CTNNA3: variants seen among roughly 807,000 people sequenced by gnomAD.
CTNNA3 encodes the protein catenin alpha-3.
CTNNA3 carries 76 observed loss-of-function variants against 95.7 expected under a neutral mutation model. That is an observed-to-expected ratio of 0.79 (90% CI 0.66 to 0.96). The LOEUF is 0.96. Ranked by LOEUF, CTNNA3 falls within the 40% of genes least tolerant of loss-of-function variation. The probability of loss-of-function intolerance (pLI) is 0.00; values close to 1 mark genes in which losing one functional copy is unlikely to be tolerated. For missense variants in CTNNA3, 1,191 were observed against 1,089.8 expected (o/e 1.09, Z -1.31); for synonymous variants, 431 against 374.4 (o/e 1.15, Z -1.74).
chr10:66,696,939 T>TAAATA (rs1200638181), intron 9 of CTNNA3, among the ~76,000 whole-genome samples: 9 of 151,768 alleles, frequency 5.9e-5, no homozygotes, highest in Admixed American at 1.3e-4. Flanking sequence ...AAGAAATACA[T>TAAATA]AAATAAAATA....
At chr10:65,981,350 G>A (rs760286820) in intron 16 of CTNNA3, among the ~76,000 whole-genome samples, 24 of 151,910 alleles carry the variant, frequency 1.6e-4, no homozygotes, top group Non-Finnish European at 2.4e-4. Flanking sequence ...AATAACAGGC[G>A]ACAGAAACAA....
chr10:66,115,571 C>G lies in CTNNA3; in HGVS notation c.1885-12322G>C, dbSNP rs10996906. Among the ~76,000 whole-genome samples the G allele has an allele frequency of 1.2e-4, 11 of 89,184 alleles. No homozygotes were observed. In the Admixed American group the frequency reaches 1.3e-3, roughly 11 times the overall value. The allele number at this position is 89,184 out of a possible 152,430, so 58.5% of individuals were successfully genotyped here. ...ATAGATAGATAGATAGATAGATAGA[C>G]AGATAGATGATAGATAGATAGAGAT... On this transcript the variant is annotated intron_variant, in intron 13 of 17. Coordinates refer to ENST00000433211, the MANE Select transcript of CTNNA3 (RefSeq NM_013266.4).
At chr10:66,910,206 G>A (rs902615180) in intron 7 of CTNNA3, among the ~76,000 whole-genome samples, 2 of 152,146 alleles carry the variant, frequency 1.3e-5, no homozygotes, top group Admixed American at 6.5e-5. Context: ...TGGCTTGTTC[G>A]GGGAATAATA....
At chr10:67,257,275 G>A (rs755275912) in intron 5 of CTNNA3, among the ~76,000 whole-genome samples, 1 of 142,360 alleles carries the variant, frequency 7.0e-6, no homozygotes, top group Non-Finnish European at 1.5e-5. Context: ...ATAAAGACAG[G>A]GTTTGTGATT....
intron 5 of CTNNA3, among the ~76,000 whole-genome samples, chr10:67,289,066 C>T (rs1839720145): frequency 6.6e-6 from 1 of 152,162 alleles, no homozygotes; most frequent in African/African-American, 2.4e-5. Flanking sequence ...ACATTATATA[C>T]AAGTTCTAAT....
chr10:67,409,583 T>A (rs1845286374), intron 5 of CTNNA3, among the ~76,000 whole-genome samples: 1 of 151,366 alleles, frequency 6.6e-6, no homozygotes, highest in East Asian at 1.9e-4. Context: ...TGGAGGCTGT[T>A]AGGGGTGGAG....
chr10:66,082,861 C>T (rs1279176593), intron 14 of CTNNA3, among the ~76,000 whole-genome samples: 1 of 152,058 alleles, frequency 6.6e-6, no homozygotes, highest in East Asian at 1.9e-4. Context: ...CCCATCTGTC[C>T]TTTTCTCATC....
intron 1 of CTNNA3, among the ~76,000 whole-genome samples, chr10:67,656,963 G>A (rs909587055): frequency 2.0e-5 from 3 of 152,186 alleles, no homozygotes; most frequent in East Asian, 1.9e-4. Context: ...AACGAAGTAC[G>A]AAGGGCAAAA....
At chr10:66,984,374 G>T (rs911110046) in intron 7 of CTNNA3, among the ~76,000 whole-genome samples, 5 of 152,126 alleles carry the variant, frequency 3.3e-5, no homozygotes, top group African/African-American at 1.2e-4. Context: ...GAACAAGAAG[G>T]AAGGTTAAAA....
At chr10:66,700,493 A>G (rs1847908519) in intron 9 of CTNNA3, among the ~76,000 whole-genome samples, 1 of 152,188 alleles carries the variant, frequency 6.6e-6, no homozygotes, top group African/African-American at 2.4e-5. Flanking sequence ...TGGTCCATGC[A>G]TCTGTTTTTA....
At chr10:67,672,836 G>A (rs1309078381) in intron 1 of CTNNA3, among the ~76,000 whole-genome samples, 41 of 151,880 alleles carry the variant, frequency 2.7e-4, no homozygotes, top group African/African-American at 3.4e-4. Context: ...TTGACTTGGC[G>A]ATGCGGGCTC....
chr10:66,337,560 A>T (rs2092410622), intron 12 of CTNNA3, among the ~76,000 whole-genome samples: 1 of 151,868 alleles, frequency 6.6e-6, no homozygotes, highest in Non-Finnish European at 1.5e-5. Context: ...ACCAGGTCTG[A>T]CTACGTTCAA....
intron 4 of CTNNA3, among the ~76,000 whole-genome samples, chr10:67,530,656 G>A (rs1214899086): frequency 6.6e-6 from 1 of 152,198 alleles, no homozygotes; most frequent in Non-Finnish European, 1.5e-5. Flanking sequence ...TGATAGAAAA[G>A]AAAATCACAT....
chr10:67,533,502 G>C (rs890813641), intron 4 of CTNNA3, among the ~76,000 whole-genome samples: 3 of 152,114 alleles, frequency 2.0e-5, no homozygotes, highest in African/African-American at 7.2e-5. Context: ...ACCTTTCCAA[G>C]TTTCTACAAT....
At chr10:67,619,886 C>T (rs573244322) in intron 2 of CTNNA3, among the ~76,000 whole-genome samples, 2 of 152,108 alleles carry the variant, frequency 1.3e-5, no homozygotes, top group African/African-American at 2.4e-5. Context: ...AATCTTGAAG[C>T]TCAATAATAC....
intron 1 of CTNNA3, among the ~76,000 whole-genome samples, chr10:67,672,210 G>A (rs1311160973): frequency 6.6e-6 from 1 of 152,028 alleles, no homozygotes; most frequent in South Asian, 2.1e-4. Context: ...GGGGTTGTTT[G>A]TTTTTTTCTT....
At chr10:66,656,759 G>C (rs1846086364) in intron 9 of CTNNA3, among the ~76,000 whole-genome samples, 1 of 152,020 alleles carries the variant, frequency 6.6e-6, no homozygotes, top group African/African-American at 2.4e-5. Context: ...GCTTTCAATT[G>C]CTTCCAGGGC....
In CTNNA3 at chr10:67,041,987, T is replaced by C. The variant is rs79426922; in HGVS notation, c.1047+138330A>G. ...ACATTGGGCATATATAGTAGTTTGA[T>C]AAAATTGAAGTAACCTTAAAGTACG... On this transcript the variant is annotated intron_variant, in intron 7 of 17. Transcript: ENST00000433211. Among the ~76,000 whole-genome samples the C allele has an allele frequency of 1.2e-4, 19 of 152,132 alleles. No individual in the cohort carries two copies. The East Asian group carries it at 3.5e-3, about 28-fold the overall frequency.
chr10:66,576,090 T>C (rs1057030884), intron 10 of CTNNA3, among the ~76,000 whole-genome samples: 9 of 152,054 alleles, frequency 5.9e-5, no homozygotes, highest in Non-Finnish European at 4.4e-5. Context: ...AGTGTGTCCA[T>C]TGATGAGAGA....
Sources: gnomAD v4.1 joint callset for allele counts (sites outside exome capture counted in the v4.1 genomes callset) on GRCh38, gnomAD v4.1.1 for gene constraint, MANE v1.5 for transcripts, NCBI Gene and HGNC (gene_info 2026-07-23, HGNC 2026-07-21) for gene names.